Variants in DSP observed in about 807,000 individuals in gnomAD.
DSP encodes the protein desmoplakin, also known as 250/210 kDa paraneoplastic pemphigus antigen.
DSP carries 114 observed loss-of-function variants against 290.6 expected under a neutral mutation model. That is an observed-to-expected ratio of 0.39 (90% confidence interval 0.34 to 0.46). DSP has a LOEUF of 0.46. DSP is among the 20% of genes least tolerant of loss of function. The probability of loss-of-function intolerance (pLI) is 0.99; values close to 1 mark genes in which losing one functional copy is unlikely to be tolerated. For missense variants in DSP, 3,230 were observed against 3,495.8 expected (o/e 0.92, Z 1.92); for synonymous variants, 1,311 against 1,316.4 (o/e 1.00, Z 0.09).
rs374137476 is a variant in DSP at position 7,585,793 on chromosome 6, G to C, written c.8531G>C (p.Gly2844Ala). The C allele has an allele frequency of 1.9e-5, 30 of 1,607,344 alleles. No individual in the cohort carries two copies. The highest frequency in any genetic ancestry group is 2.4e-5 in the Non-Finnish European group (28 of 1,178,232). The change falls in exon 24 of 24, where the codon GGG becomes GCG. Residue 2844 changes from glycine (G) to alanine (A), a missense_variant. Around this residue, in one of 5 missense-constraint regions of DSP, gnomAD observed 582 missense variants for 555.4 expected, o/e 1.05. Transcript: ENST00000379802. ...GGATCTCGCTCCGGGTCCCGCAGTG[G>C]GTCCCGGAGAGGAAGCTTTGACGCC... ...RSGSRSGSRSGSRRGSFDATG... is the reference protein window; with the variant it reads ...RSGSRSGSRSASRRGSFDATG...
rs1757993019 is a variant in DSP at position 7,541,982 on chromosome 6, G to A, written c.67G>A (p.Gly23Ser). ...TLGRMIRAES[G>S]PDLRYEVTSG... ...GGGCCGCATGATCCGCGCCGAGTCT[G>A]GCCCGGACCTGCGCTACGAGGTGAC... is the stretch of plus-strand genomic sequence containing the variant. The change falls in exon 1 of 24, where the codon GGC becomes AGC. Residue 23 changes from glycine to serine, a missense_variant. This residue lies in a region of DSP where 646 missense variants were observed against 684.3 expected (regional missense o/e 0.94). Coordinates refer to ENST00000379802, the MANE Select transcript of DSP (RefSeq NM_004415.4). 3 of 1,604,348 alleles carry A rather than the reference G, an allele frequency of 1.9e-6. No individual in the cohort carries two copies. Among genetic ancestry groups the A allele is most frequent in the Non-Finnish European group, 2.5e-6 (3 of 1,176,616 alleles).
rs2113685097 is a variant in DSP at position 7,575,348 on chromosome 6, A to C, written c.2490A>C (p.Thr830=). ...LKKSLLATMK[T]ELQKAQQIHS... ...AGTCGTTGTTGGCCACTATGAAGAC[A>C]GAACTACAGAAAGCCCAGCAGATCC... Residue 830 remains threonine, a synonymous_variant, in exon 18 of 24, where the codon ACA becomes ACC. Coordinates refer to ENST00000379802, the MANE Select transcript of DSP (RefSeq NM_004415.4). 1 of 1,614,176 alleles carries C rather than the reference A, an allele frequency of 6.2e-7. No homozygotes were observed. The highest frequency in any genetic ancestry group is 8.5e-7 in the Non-Finnish European group (1 of 1,180,028).
Position 7,558,359 on chromosome 6 carries a change from A to C in DSP, c.422+95A>C. On this transcript the variant is annotated intron_variant, in intron 3 of 23. Transcript: ENST00000379802. ...TTCCATGACCCAGGGCTTCCTTTGA[A>C]GGCAGCACAAATGTTCCCAAGGAAA... The C allele has an allele frequency of 1.5e-5, 22 of 1,516,638 alleles. No individual in the cohort carries two copies. In the South Asian group the frequency reaches 2.5e-4, roughly 17 times the overall value. The allele number at this position is 1,516,638 out of a possible 1,614,324, so 93.9% of individuals were successfully genotyped here. A position where few individuals can be genotyped will look rare whatever the true frequency, so the allele number is the denominator to read the frequency against.
intron 2 of DSP, among the ~76,000 whole-genome samples, chr6:7,557,064 C>G (rs1758525061): frequency 6.6e-6 from 1 of 152,152 alleles, no homozygotes; most frequent in Non-Finnish European, 1.5e-5. Context: ...GTCATATTTG[C>G]TAACATTTCT....
At position 7,583,234 on chromosome 6, in the gene DSP, T is replaced by G; in HGVS notation, c.5972T>G (p.Leu1991Trp). ...YECQLIDKTTLDKLLKGKKSV... is the reference protein window; with the variant it reads ...YECQLIDKTTWDKLLKGKKSV... The stretch of plus-strand genomic sequence containing the variant: ...TGTCAGCTGATCGACAAAACAACCT[T>G]GGACAAACTATTGAAGGGGAAGAAG... Residue 1991 changes from leucine to tryptophan, a missense_variant, in exon 24 of 24, where the codon TTG becomes TGG. Physicochemically the swap from Leu to Trp is moderately conservative, Grantham distance 61. Around this residue, in one of 5 missense-constraint regions of DSP, gnomAD observed 1,714 missense variants for 1,844.5 expected, o/e 0.93. Transcript: ENST00000379802. The surrounding 1 kb of genome is among the most constrained non-coding windows in gnomAD (Gnocchi z 4.0). The G allele has an allele frequency of 6.2e-7, 1 of 1,614,132 alleles. No individual in the cohort carries two copies. The highest frequency in any genetic ancestry group is 8.5e-7 in the Non-Finnish European group (1 of 1,180,028).
In DSP at chr6:7,545,874, G is replaced by A. The variant is rs900502188; in HGVS notation, c.170+3789G>A. On this transcript the variant is annotated intron_variant, in intron 1 of 23. Transcript: ENST00000379802. ...AGCATGAGAAAAGTCTGCGAAGCCT[G>A]TGGAGTGATCTCCTTTTAGAGCATT... Among the ~76,000 whole-genome samples, 9 of 152,364 alleles carry A rather than the reference G, an allele frequency of 5.9e-5. No homozygotes were observed. The East Asian group carries it at 1.7e-3, about 29-fold the overall frequency.
intron 1 of DSP, among the ~76,000 whole-genome samples, chr6:7,543,041 C>T (rs1758059022): frequency 6.6e-6 from 1 of 152,088 alleles, no homozygotes; most frequent in South Asian, 2.1e-4. Context: ...CCAGCGGAAA[C>T]AGACCGAGGG....
Position 7,582,455 on chromosome 6 carries a change from T to C in DSP, c.5380-187T>C, listed in dbSNP as rs138334851. 5.2e-3 allele frequency among the ~76,000 whole-genome samples: 791 copies of C among 151,784 alleles called. 5 individuals are homozygous for C. The highest frequency in any genetic ancestry group is 0.018 in the African/African-American group (761 of 41,392). ...AGCCATTTATTGAAGTGGCAACATA[T>C]ACAGAATTTTTCCCACAAATTTGTA... On this transcript the variant is annotated intron_variant, in intron 23 of 23. Transcript: ENST00000379802. This position sits in a 1 kb window ranked among gnomAD's most constrained non-coding sequence, Gnocchi z 4.2.
intron 1 of DSP, among the ~76,000 whole-genome samples, chr6:7,550,648 A>G (rs946360606): frequency 1.3e-5 from 2 of 152,156 alleles, no homozygotes; most frequent in Non-Finnish European, 2.9e-5. Flanking sequence ...ATGTGCAGGT[A>G]GGTTCTTTGT....
Position 7,580,033 on chromosome 6 carries a change from C to A in DSP, c.3843C>A (p.Gly1281=). 1 of 1,614,076 alleles carries A rather than the reference C, an allele frequency of 6.2e-7. No homozygotes were observed. Among genetic ancestry groups the A allele is most frequent in the East Asian group, 2.2e-5 (1 of 44,868 alleles). Residue 1281 remains glycine (G), a synonymous_variant, in exon 23 of 24, where the codon GGC becomes GGA. Coordinates refer to ENST00000379802, the MANE Select transcript of DSP (RefSeq NM_004415.4). This position sits in a 1 kb window ranked among gnomAD's most constrained non-coding sequence, Gnocchi z 4.2. ...ACGCCCTTCAGCAAAAGGCCTGTGG[C>A]TCTGAGATAATGCAGAAGAAGCAGC... ...EENALQQKAC[G]SEIMQKKQHL... is the part of the protein sequence containing the mutation.
rs768897347 is a variant in DSP at position 7,585,736 on chromosome 6, CCCGCTCCGGCTCCCGCTCGGGA to C, written c.8475_8496del (p.Arg2826LeufsTer50). 1.2e-6 allele frequency: 2 copies of C among 1,609,848 alleles called. No homozygotes were observed. The highest frequency in any genetic ancestry group is 1.7e-6 in the Non-Finnish European group (2 of 1,177,512). ...TACAACATGTCTTCGGCTCCGGGGT[CCCGCTCCGGCTCCCGCTCGGGA>C]TCTCGCTCCGGATCTCGCTCCGGGT... is the stretch of plus-strand genomic sequence containing the variant. On this transcript the variant is annotated frameshift_variant, in exon 24 of 24. Transcript: ENST00000379802. LOFTEE classifies it high-confidence loss of function.
chr6:7,542,840 C>T (rs954472762), intron 1 of DSP, among the ~76,000 whole-genome samples: 5 of 152,190 alleles, frequency 3.3e-5, no homozygotes, highest in Non-Finnish European at 5.9e-5. Context: ...CCTTTTGTTT[C>T]CTCCTTTTTA....
intron 18 of DSP, among the ~76,000 whole-genome samples, 188 bp downstream of exon 18, chr6:7,575,676 C>T (rs1026712959): frequency 1.3e-5 from 2 of 152,174 alleles, no homozygotes; most frequent in African/African-American, 2.4e-5. Context: ...GAATGCATCA[C>T]GATAGCCAAC....
intron 4 of DSP, among the ~76,000 whole-genome samples, chr6:7,561,315 C>T (rs1758685260): frequency 1.3e-5 from 2 of 152,142 alleles, no homozygotes; most frequent in African/African-American, 4.8e-5. Flanking sequence ...AGGCACGCAG[C>T]CCTCATGGTT....
chr6:7,569,409 G>T, intron 12 of DSP, 69 bp downstream of exon 12: 1 of 1,608,076 alleles, frequency 6.2e-7, no homozygotes, highest in Non-Finnish European at 8.5e-7. Context: ...GAGGGCAGGT[G>T]TTTATACCTG....
chr6:7,583,848 ACTGGTCTG>A lies in DSP; in HGVS notation c.6589_6596del (p.Gly2197LeufsTer22). On this transcript the variant is annotated frameshift_variant, in exon 24 of 24. Coordinates refer to ENST00000379802, the MANE Select transcript of DSP (RefSeq NM_004415.4). LOFTEE classifies it high-confidence loss of function. The surrounding 1 kb of genome is among the most constrained non-coding windows in gnomAD (Gnocchi z 4.0). ...GGAACGGTGCAGAATCGAACCACAT[ACTGGTCTG>A]CTCTTGCTTTCAGTACAGAAGAGAA... The A allele has an allele frequency of 6.2e-7, 1 of 1,614,134 alleles. No individual in the cohort carries two copies. The highest frequency in any genetic ancestry group is 8.5e-7 in the Non-Finnish European group (1 of 1,180,028).
rs370490538 is a variant in DSP, at chr6:7,584,424, G to A, written c.7162G>A (p.Val2388Ile). ...IDPKESHRLP[V>I]DIAYKRGYFN... ...CCCAAAGGAGAGCCATCGTTTACCA[G>A]TTGACATAGCATATAAGAGGGGCTA... is the stretch of plus-strand genomic sequence containing the variant. The change falls in exon 24 of 24, where the codon GTT becomes ATT. Residue 2388 changes from valine (V) to isoleucine (I), a missense_variant. Transcript: ENST00000379802. The surrounding 1 kb of genome is among the most constrained non-coding windows in gnomAD (Gnocchi z 6.4). 9 of 1,614,064 alleles carry A rather than the reference G, an allele frequency of 5.6e-6. No homozygotes were observed. The highest frequency in any genetic ancestry group is 6.8e-6 in the Non-Finnish European group (8 of 1,180,040).
At chr6:7,551,734 C>CATCGGATTTCGAT (rs1758348311) in intron 1 of DSP, among the ~76,000 whole-genome samples, 5 of 152,186 alleles carry the variant, frequency 3.3e-5, no homozygotes, top group African/African-American at 1.2e-4. Context: ...ATCAGACTGA[C>CATCGGATTTCGAT]CCGATGGGTC....
Position 7,559,339 on chromosome 6 carries a change from G to T in DSP, c.536G>T (p.Gly179Val). The change falls in exon 4 of 24, where the codon GGC becomes GTC. Residue 179 changes from glycine to valine, a missense_variant. By Grantham distance (109) the Gly-to-Val change is moderately radical (BLOSUM62 -3). Coordinates refer to ENST00000379802, the MANE Select transcript of DSP (RefSeq NM_004415.4). ...GGGYTCQSGS[G>V]WDEFTKHVTS... is the part of the protein sequence containing the mutation. ...GGCTACACTTGTCAGAGTGGCTCTG[G>T]CTGGGATGAGTTCACCAAACATGTC... is the stretch of plus-strand genomic sequence containing the variant. 1 of 1,613,674 alleles carries T rather than the reference G, an allele frequency of 6.2e-7. No individual in the cohort carries two copies. The highest frequency in any genetic ancestry group is 1.1e-5 in the South Asian group (1 of 91,060).
Sources: allele counts gnomAD v4.1 joint callset (sites outside exome capture counted in the v4.1 genomes callset), GRCh38; gene constraint gnomAD v4.1.1; regional missense constraint gnomAD v4.1.1; non-coding constraint Gnocchi (gnomAD v3.1); transcripts MANE v1.5; gene names NCBI Gene and HGNC (gene_info 2026-07-23, HGNC 2026-07-21).